SLC8B1: variants seen among roughly 807,000 people sequenced by gnomAD.
SLC8B1 encodes the protein mitochondrial sodium/calcium exchanger protein.
Under a neutral mutation model 63.4 loss-of-function variants are expected in SLC8B1, and 52 were observed. The ratio of observed to expected loss-of-function variants is 0.82; its 90% CI spans 0.66 to 1.03. The LOEUF (loss-of-function observed/expected upper bound fraction) is 1.03. Among genes scored for constraint, SLC8B1 ranks in the 50% least tolerant of loss-of-function variants. The pLI is 0.00. For synonymous variants in SLC8B1, 336 were observed against 323.9 expected (o/e 1.04, Z -0.40); for missense variants, 657 against 741.7 (o/e 0.89, Z 1.33).
intron 8 of SLC8B1, among the ~76,000 whole-genome samples, chr12:113,317,915 ATGTG>A (rs1415668558): frequency 2.6e-5 from 4 of 151,888 alleles, no homozygotes; most frequent in South Asian, 2.1e-4. Flanking sequence ...GCATGCATGT[ATGTG>A]TATGTTGCAT....
intron 1 of SLC8B1, 26 bp from the exon 2 acceptor site, chr12:113,332,986 GACA>G (rs1957077697): frequency 7.2e-7 from 1 of 1,390,616 alleles, no homozygotes; most frequent in Admixed American, 2.1e-5. Flanking sequence ...GAGAAAGGGG[GACA>G]ACATTACTGA....
rs557556294 is a variant in SLC8B1, at chr12:113,304,112, C to T, written c.1557+209G>A. On this transcript the variant is annotated intron_variant, in intron 15 of 15. Coordinates refer to ENST00000680972, the MANE Select transcript of SLC8B1 (RefSeq NM_001358345.2). Reference sequence around the variant, plus strand: ...GCCAGGCTGGTCTCGAACTCCTGACCTCAAGTGATCCTCTGCCTCAGTCTC... The same window carrying T: ...GCCAGGCTGGTCTCGAACTCCTGACTTCAAGTGATCCTCTGCCTCAGTCTC... Among the ~76,000 whole-genome samples, 3 of 152,196 alleles carry T rather than the reference C, an allele frequency of 2.0e-5. No individual in the cohort carries two copies. The South Asian group carries it at 6.2e-4, about 32-fold the overall frequency.
At position 113,320,528 on chromosome 12, in the gene SLC8B1, C is replaced by T; in HGVS notation, c.527-30G>A. Reference sequence around the variant, plus strand: ...GGGGAGGAGGCCAGAGCTCAGCCACCCTGCACCCTCTCCTGCTGCTTTCCC... The same window carrying T: ...GGGGAGGAGGCCAGAGCTCAGCCACTCTGCACCCTCTCCTGCTGCTTTCCC... On this transcript the variant is annotated intron_variant, in intron 6 of 15. Transcript: ENST00000680972. This position sits in a 1 kb window ranked among gnomAD's most constrained non-coding sequence, Gnocchi z 5.3. The T allele has an allele frequency of 6.2e-7, 1 of 1,614,006 alleles. No homozygotes were observed. The highest frequency in any genetic ancestry group is 1.1e-5 in the South Asian group (1 of 91,078).
intron 2 of SLC8B1, among the ~76,000 whole-genome samples, chr12:113,331,066 T>A (rs1957048256): frequency 6.6e-6 from 1 of 152,026 alleles, no homozygotes; most frequent in Admixed American, 6.5e-5. Flanking sequence ...CCTCCCTCAG[T>A]GCTCCCCATT....
At chr12:113,330,040 G>A (rs1957038564) in intron 2 of SLC8B1, among the ~76,000 whole-genome samples, 1 of 152,082 alleles carries the variant, frequency 6.6e-6, no homozygotes. Flanking sequence ...CAGTCTAAAT[G>A]TCATGTCCTC....
intron 10 of SLC8B1, among the ~76,000 whole-genome samples, chr12:113,316,141 G>A (rs962099429): frequency 4.6e-5 from 7 of 151,856 alleles, no homozygotes; most frequent in South Asian, 2.1e-4. Flanking sequence ...GGAGAATGGC[G>A]TGAACCCGGG....
chr12:113,331,307 G>A (rs1957051302), intron 2 of SLC8B1, among the ~76,000 whole-genome samples: 1 of 150,730 alleles, frequency 6.6e-6, no homozygotes, highest in Non-Finnish European at 1.5e-5. Flanking sequence ...AGAATCGCTT[G>A]AACCCGGGAG....
chr12:113,306,405 G>A (rs1265633894), intron 14 of SLC8B1, 90 bp downstream of exon 14: 5 of 1,169,600 alleles, frequency 4.3e-6, no homozygotes, highest in African/African-American at 3.1e-5. Context: ...GTGTTACACC[G>A]AGAACCAATC....
intron 15 of SLC8B1, 111 bp downstream of exon 15, chr12:113,304,210 G>T: frequency 3.2e-6 from 3 of 940,602 alleles, no homozygotes; most frequent in Non-Finnish European, 5.1e-6. Context: ...AAGTCATACA[G>T]CCAGGGACTT....
rs531748397 is a variant in SLC8B1 at position 113,333,834 on chromosome 12, G to A, written c.-83+609C>T. Among the ~76,000 whole-genome samples, 18 of 152,278 alleles carry A rather than the reference G, an allele frequency of 1.2e-4. No individual in the cohort carries two copies. The East Asian group carries it at 2.7e-3, about 23-fold the overall frequency. On this transcript the variant is annotated intron_variant, in intron 1 of 15. Transcript: ENST00000680972. ...AGTGATTCTCCTGCCTCAGCCTCCC[G>A]AGTAGCTGGGATTACAGGCACACAC...
chr12:113,313,940 GC>G (rs1438392104), intron 11 of SLC8B1, among the ~76,000 whole-genome samples: 1 of 152,148 alleles, frequency 6.6e-6, no homozygotes, highest in Non-Finnish European at 1.5e-5. Context: ...AGCCCTGGAG[GC>G]AGAGGTTGCA....
At chr12:113,334,043 A>G (rs1183915700) in intron 1 of SLC8B1, among the ~76,000 whole-genome samples, 1 of 152,170 alleles carries the variant, frequency 6.6e-6, no homozygotes, top group Non-Finnish European at 1.5e-5. Context: ...GTCACACAGC[A>G]AGAGGGTCAC....
intron 2 of SLC8B1, among the ~76,000 whole-genome samples, chr12:113,328,429 C>G (rs115646182): frequency 6.0e-4 from 91 of 152,300 alleles, no homozygotes; most frequent in Middle Eastern, 3.4e-3. Context: ...CCTCCTACCC[C>G]CAATCTTACC....
chr12:113,318,889 C>T (rs12425529), intron 8 of SLC8B1, 75 bp downstream of exon 8: 2 of 1,164,554 alleles, frequency 1.7e-6, no homozygotes, highest in Admixed American at 1.8e-5. Context: ...CCTCAGGAGA[C>T]CCTGGGCAGC....
In SLC8B1 at chr12:113,310,377, G is replaced by A. The variant is rs749782935; in HGVS notation, c.1136-22C>T. On this transcript the variant is annotated intron_variant, in intron 11 of 15. Coordinates refer to ENST00000680972, the MANE Select transcript of SLC8B1 (RefSeq NM_001358345.2). Reference sequence around the variant, plus strand: ...CCATCTGCAAAGGGAGAGAAAGGGAGCTGATACCTTCCCAGCACCTCAACA... The same window carrying A: ...CCATCTGCAAAGGGAGAGAAAGGGAACTGATACCTTCCCAGCACCTCAACA... 2.5e-6 allele frequency: 4 copies of A among 1,607,880 alleles called. 1 individual carries two copies. The highest frequency in any genetic ancestry group is 1.7e-6 in the Non-Finnish European group (2 of 1,177,724).
At chr12:113,306,674 A>G (rs1257834907) in intron 13 of SLC8B1, 99 bp from the exon 14 acceptor site, 4 of 982,260 alleles carry the variant, frequency 4.1e-6, no homozygotes, top group Non-Finnish European at 6.3e-6. Flanking sequence ...TCAGGCAACA[A>G]ACACAGATGG....
intron 11 of SLC8B1, among the ~76,000 whole-genome samples, chr12:113,312,307 A>G (rs918957002): frequency 3.3e-5 from 5 of 152,194 alleles, no homozygotes; most frequent in African/African-American, 7.2e-5. Flanking sequence ...GGTGGCACGC[A>G]CCTGTAATCC....
intron 12 of SLC8B1, among the ~76,000 whole-genome samples, chr12:113,309,972 AC>A (rs1956733570): frequency 6.6e-6 from 1 of 152,058 alleles, no homozygotes; most frequent in Non-Finnish European, 1.5e-5. Flanking sequence ...ATAATAAAAA[AC>A]ATTAAATTGT....
intron 10 of SLC8B1, 121 bp from the exon 11 acceptor site, chr12:113,315,597 G>T: frequency 1.6e-6 from 2 of 1,252,048 alleles, no homozygotes; most frequent in Non-Finnish European, 2.1e-6. Flanking sequence ...ACTGTGTGCG[G>T]GTTCCAGGCT....
Sources: gnomAD v4.1 joint callset for allele counts (sites outside exome capture counted in the v4.1 genomes callset) on GRCh38, gnomAD v4.1.1 for gene constraint, Gnocchi (gnomAD v3.1) non-coding constraint, MANE v1.5 for transcripts, NCBI Gene and HGNC (gene_info 2026-07-23, HGNC 2026-07-21) for gene names.